Variants in NAALADL2 observed in about 807,000 individuals in gnomAD.
NAALADL2 encodes the protein inactive N-acetylated-alpha-linked acidic dipeptidase-like protein 2.
In NAALADL2, 76 loss-of-function variants were observed where a neutral mutation model predicts 87.2. The observed-to-expected ratio is 0.87, with a 90% CI of 0.72 to 1.05. The LOEUF (loss-of-function observed/expected upper bound fraction) is 1.05. Among genes scored for constraint, NAALADL2 ranks in the 50% least tolerant of loss-of-function variants. The pLI is 0.00. For synonymous variants in NAALADL2, 354 were observed against 331.0 expected (o/e 1.07, Z -0.75); for missense variants, 1,089 against 945.8 (o/e 1.15, Z -1.99).
At position 175,662,944 on chromosome 3, in the gene NAALADL2, AGTTTGTTT is replaced by A. The variant is rs200794824; in HGVS notation, c.1896+35579_1896+35586del. Reference sequence around the variant, plus strand: ...ACTTTCTTCAGGGATATTGGCCTGTAGTTTGTTTGTTTGTTTGTTTGTTTGTTTTGGTT... The same window carrying A: ...ACTTTCTTCAGGGATATTGGCCTGTAGTTTGTTTGTTTGTTTGTTTTGGTT... On this transcript the variant is annotated intron_variant, in intron 11 of 13. Coordinates refer to ENST00000454872, the MANE Select transcript of NAALADL2 (RefSeq NM_207015.3). Among the ~76,000 whole-genome samples, 488 of 151,324 alleles carry A rather than the reference AGTTTGTTT, an allele frequency of 3.2e-3. 5 individuals are homozygous for A. The highest frequency in any genetic ancestry group is 0.012 in the African/African-American group (477 of 41,276).
intron 1 of NAALADL2, among the ~76,000 whole-genome samples, chr3:174,906,401 T>C (rs1732962842): frequency 6.6e-6 from 1 of 152,064 alleles, no homozygotes; most frequent in South Asian, 2.1e-4. Flanking sequence ...ACAGAATGAT[T>C]GATTGAATGT....
At chr3:174,608,160 C>T (rs1042283544) in intron 2 of NAALADL2, among the ~76,000 whole-genome samples, 2 of 151,480 alleles carry the variant, frequency 1.3e-5, no homozygotes, top group Non-Finnish European at 3.0e-5. Context: ...GGGACACATT[C>T]AAAGCAGTGT....
At chr3:174,615,234 CCTTA>C (rs1387623731) in intron 2 of NAALADL2, among the ~76,000 whole-genome samples, 5 of 152,264 alleles carry the variant, frequency 3.3e-5, no homozygotes, top group African/African-American at 4.8e-5. Context: ...ACATGTTTAT[CCTTA>C]CTTTTAAGAA....
At chr3:175,604,044 C>A in intron 10 of NAALADL2, among the ~76,000 whole-genome samples, 1 of 152,010 alleles carries the variant, frequency 6.6e-6, no homozygotes, top group Non-Finnish European at 1.5e-5. Context: ...ACTTTCAGTT[C>A]TTTGGGGTAT....
intron 2 of NAALADL2, among the ~76,000 whole-genome samples, chr3:174,622,560 T>A (rs569531655): frequency 4.6e-5 from 7 of 152,284 alleles, no homozygotes; most frequent in African/African-American, 7.2e-5. Flanking sequence ...TATAGCCTAC[T>A]GTTGACCAGA....
chr3:175,230,077 G>A (rs926798597), intron 2 of NAALADL2, among the ~76,000 whole-genome samples: 1 of 151,838 alleles, frequency 6.6e-6, no homozygotes, highest in African/African-American at 2.4e-5. Context: ...CACATTAATG[G>A]GGCATATTTG....
At chr3:175,188,832 T>G (rs1231180550) in intron 2 of NAALADL2, among the ~76,000 whole-genome samples, 1 of 152,120 alleles carries the variant, frequency 6.6e-6, no homozygotes, top group African/African-American at 2.4e-5. Flanking sequence ...GGGCTTGAGT[T>G]GCTGCTGTGC....
intron 1 of NAALADL2, among the ~76,000 whole-genome samples, chr3:174,992,740 A>G (rs1031302173): frequency 5.3e-5 from 8 of 152,136 alleles, no homozygotes; most frequent in African/African-American, 1.2e-4. Flanking sequence ...CTATTTAAAA[A>G]CTGAATAAAA....
At chr3:175,200,955 C>A (rs758454635) in intron 2 of NAALADL2, among the ~76,000 whole-genome samples, 3 of 152,116 alleles carry the variant, frequency 2.0e-5, no homozygotes, top group African/African-American at 7.2e-5. Context: ...TAGTATTTTT[C>A]CCTTGACTCT....
chr3:175,475,815 T>C (rs573906966), intron 9 of NAALADL2, among the ~76,000 whole-genome samples: 5 of 152,274 alleles, frequency 3.3e-5, no homozygotes, highest in Admixed American at 3.3e-4. Flanking sequence ...ACACCTGAGC[T>C]AAAGCAATCC....
intron 5 of NAALADL2, 118 bp downstream of exon 5, chr3:175,324,443 ATTATT>A: frequency 1.3e-6 from 1 of 779,128 alleles, no homozygotes; most frequent in Non-Finnish European, 1.9e-6. Flanking sequence ...ATCCCATCTT[ATTATT>A]TTAAAAAGCA....
At chr3:174,652,376 A>G (rs1178035511) in intron 2 of NAALADL2, among the ~76,000 whole-genome samples, 1 of 152,196 alleles carries the variant, frequency 6.6e-6, no homozygotes, top group African/African-American at 2.4e-5. Context: ...TTGTTCTCAC[A>G]TTGCTATACG....
At chr3:175,696,953 A>T (rs1737875441) in intron 11 of NAALADL2, among the ~76,000 whole-genome samples, 1 of 152,078 alleles carries the variant, frequency 6.6e-6, no homozygotes, top group South Asian at 2.1e-4. Context: ...GCATTAATTC[A>T]TTCATGAGGG....
intron 1 of NAALADL2, among the ~76,000 whole-genome samples, chr3:174,870,584 CAAAA>C (rs925063062): frequency 2.2e-5 from 3 of 136,922 alleles, no homozygotes; most frequent in Admixed American, 2.1e-4. Context: ...TCAATAATAA[CAAAA>C]AAATAAAAAA....
intron 2 of NAALADL2, among the ~76,000 whole-genome samples, chr3:175,187,170 G>C (rs941252680): frequency 6.6e-6 from 1 of 152,038 alleles, no homozygotes; most frequent in African/African-American, 2.4e-5. Context: ...TTATTCATTA[G>C]TTCACATATT....
At chr3:175,571,998 CAAAG>C (rs925127417) in intron 9 of NAALADL2, among the ~76,000 whole-genome samples, 10 of 151,904 alleles carry the variant, frequency 6.6e-5, no homozygotes, top group African/African-American at 2.4e-4. Context: ...ATGAGGTAGA[CAAAG>C]AAAGAGAGAG....
intron 11 of NAALADL2, among the ~76,000 whole-genome samples, chr3:175,653,829 A>C (rs1411403791): frequency 2.6e-5 from 4 of 152,138 alleles, no homozygotes; most frequent in Non-Finnish European, 5.9e-5. Context: ...AAATTTTGTA[A>C]GACTCCCTGA....
At chr3:175,566,352 A>G (rs925075820) in intron 9 of NAALADL2, among the ~76,000 whole-genome samples, 1 of 152,228 alleles carries the variant, frequency 6.6e-6, no homozygotes, top group African/African-American at 2.4e-5. Flanking sequence ...CCCCAGAGGC[A>G]AATGGCATTT....
intron 10 of NAALADL2, among the ~76,000 whole-genome samples, chr3:175,620,463 C>T (rs1726057901): frequency 6.6e-6 from 1 of 152,180 alleles, no homozygotes; most frequent in Non-Finnish European, 1.5e-5. Context: ...AGCTATAGCT[C>T]GGGGAGTCCC....
Sources: gnomAD v4.1 joint callset for allele counts (sites outside exome capture counted in the v4.1 genomes callset) on GRCh38, gnomAD v4.1.1 for gene constraint, MANE v1.5 for transcripts, NCBI Gene and HGNC (gene_info 2026-07-23, HGNC 2026-07-21) for gene names.